The following TAOK1 variants were observed in gnomAD, a reference collection of about 807,000 sequenced individuals.
TAOK1 encodes serine/threonine-protein kinase TAO1.
TAOK1 carries 21 observed loss-of-function variants against 138.3 expected under a neutral mutation model. The observed-to-expected ratio is 0.15, with a 90% CI of 0.11 to 0.22. The LOEUF is 0.22. Ranked by LOEUF, TAOK1 falls within the 10% of genes least tolerant of loss-of-function variation. TAOK1 has a pLI of 1.00. For missense variants in TAOK1, 651 were observed against 1,227.7 expected, an observed-to-expected ratio of 0.53 and a Z score of 7.02; for synonymous variants, 361 against 398.4, an observed-to-expected ratio of 0.91 and a Z score of 1.12.
At chr17:29,501,221 T>A (rs372654853) in intron 12 of TAOK1, among the ~76,000 whole-genome samples, 22 of 120,610 alleles carry the variant, frequency 1.8e-4, no homozygotes, top group Middle Eastern at 4.0e-3. Context: ...CCCATCTGTT[T>A]AAAAAAAAAA....
chr17:29,485,321 G>A (rs565798610), intron 8 of TAOK1, among the ~76,000 whole-genome samples: 20 of 152,116 alleles, frequency 1.3e-4, no homozygotes, highest in Non-Finnish European at 2.5e-4. Context: ...CAAAAGGAGC[G>A]AAAAGAAAAT....
At chr17:29,468,504 A>G (rs2030736950) in intron 3 of TAOK1, among the ~76,000 whole-genome samples, 1 of 151,944 alleles carries the variant, frequency 6.6e-6, no homozygotes, top group South Asian at 2.1e-4. Flanking sequence ...TTTCTAAAAA[A>G]TTAAAGTAAA....
chr17:29,542,218 C>G (rs2032330103), intron 19 of TAOK1, among the ~76,000 whole-genome samples: 1 of 152,090 alleles, frequency 6.6e-6, no homozygotes, highest in Non-Finnish European at 1.5e-5. Flanking sequence ...ATAATAGACA[C>G]TAGAGACTAC....
At chr17:29,509,830 C>T (rs1396174975) in intron 14 of TAOK1, among the ~76,000 whole-genome samples, 1 of 151,224 alleles carries the variant, frequency 6.6e-6, no homozygotes, top group Non-Finnish European at 1.5e-5. Flanking sequence ...CAGGAGGAGG[C>T]TGCAATGAGC....
intron 17 of TAOK1, 35 bp downstream of exon 17, chr17:29,522,554 G>A (rs2031938333): frequency 6.2e-7 from 1 of 1,610,662 alleles, no homozygotes. Flanking sequence ...TAACAGGGAG[G>A]AGAATGAAAA....
rs1453754280 is a variant in TAOK1, at chr17:29,522,498, A to G, written c.2127A>G (p.Arg709=). The change falls in exon 17 of 20, where the codon CGA becomes CGG. Residue 709 remains arginine, a synonymous_variant. Coordinates refer to ENST00000261716, the MANE Select transcript of TAOK1 (RefSeq NM_020791.4). ...GACGAAAGCATGTCATGGAAGTTCG[A>G]CAACAGCCTAAGAGTTTGAAGGTAT... The part of the protein sequence containing the change: ...ELRRKHVMEV[R]QQPKSLKSKE... The G allele has an allele frequency of 3.1e-6, 5 of 1,614,100 alleles. No homozygotes were observed. The highest frequency in any genetic ancestry group is 4.2e-6 in the Non-Finnish European group (5 of 1,180,048).
At chr17:29,399,489 G>A (rs1904771693) in intron 1 of TAOK1, among the ~76,000 whole-genome samples, 1 of 151,658 alleles carries the variant, frequency 6.6e-6, no homozygotes. Flanking sequence ...CTAAATTTTT[G>A]TATTTTTATT....
intron 16 of TAOK1, 63 bp downstream of exon 16, chr17:29,517,719 C>A: frequency 6.8e-7 from 1 of 1,471,050 alleles, no homozygotes; most frequent in South Asian, 1.2e-5. Context: ...GAAAATATTC[C>A]AATTCCATTC....
intron 17 of TAOK1, among the ~76,000 whole-genome samples, chr17:29,528,614 C>T (rs1326107488): frequency 3.3e-5 from 5 of 151,566 alleles, no homozygotes; most frequent in South Asian, 2.1e-4. Context: ...CCAAGGTGGG[C>T]GGTTTGCCTG....
intron 4 of TAOK1, 44 bp from the exon 5 acceptor site, chr17:29,477,617 T>C: frequency 9.4e-7 from 1 of 1,069,378 alleles, no homozygotes; most frequent in Non-Finnish European, 1.2e-6. Flanking sequence ...ATATTAAATC[T>C]TTATAATAAT....
chr17:29,526,170 G>A (rs992813211), intron 17 of TAOK1, among the ~76,000 whole-genome samples: 1 of 151,958 alleles, frequency 6.6e-6, no homozygotes, highest in Non-Finnish European at 1.5e-5. Context: ...AGCTACTTGG[G>A]AGGCTGAGGC....
In TAOK1 at chr17:29,544,005, C is replaced by T. The variant is rs1467802003; in HGVS notation, c.*983C>T. The T allele has an allele frequency of 6.6e-6, 1 of 152,356 alleles. No homozygotes were observed. Among genetic ancestry groups the T allele is most frequent in the African/African-American group, 2.4e-5 (1 of 41,396 alleles). The allele number at this position is 152,356 out of a possible 1,614,324, so 9.4% of individuals were successfully genotyped here. ...TCATCCTAGCTAAGCTCTATAATGC[C>T]CAAGACCCCAAACAGTACTTTTACT... On this transcript the variant is annotated 3_prime_UTR_variant, in exon 20 of 20. Transcript: ENST00000261716.
At position 29,451,693 on chromosome 17, in the gene TAOK1, G is replaced by A. The variant is rs2030239362; in HGVS notation, c.132+13G>A. 6.2e-7 allele frequency: 1 copy of A among 1,605,826 alleles called. No homozygotes were observed. Among genetic ancestry groups the A allele is most frequent in the African/African-American group, 1.3e-5 (1 of 74,524 alleles). ...AGCAGTGTATTTTGTAAGTGTTAGT[G>A]GCTTGATGTCAGTGACTAAAATTTA... On this transcript the variant is annotated intron_variant, in intron 2 of 19. Transcript: ENST00000261716.
At chr17:29,458,127 C>G (rs1044363128) in intron 2 of TAOK1, among the ~76,000 whole-genome samples, 1 of 150,954 alleles carries the variant, frequency 6.6e-6, no homozygotes, top group Non-Finnish European at 1.5e-5. Flanking sequence ...AAAAAATTAA[C>G]CATAACACTG....
chr17:29,528,121 C>G (rs2032042673), intron 17 of TAOK1, among the ~76,000 whole-genome samples: 1 of 152,164 alleles, frequency 6.6e-6, no homozygotes, highest in South Asian at 2.1e-4. Flanking sequence ...GCAATCTTAG[C>G]TCACTGCAGC....
chr17:29,515,830 T>C (rs1475468529), intron 15 of TAOK1, among the ~76,000 whole-genome samples: 1 of 151,706 alleles, frequency 6.6e-6, no homozygotes, highest in Non-Finnish European at 1.5e-5. Flanking sequence ...AGCAAGACTC[T>C]GTCTCAAAAA....
At chr17:29,481,679 G>A (rs768049870) in intron 7 of TAOK1, among the ~76,000 whole-genome samples, 138 of 151,876 alleles carry the variant, frequency 9.1e-4, no homozygotes, top group Non-Finnish European at 1.6e-3. Flanking sequence ...CACACTATGG[G>A]CCAGGTGCGG....
intron 1 of TAOK1, among the ~76,000 whole-genome samples, chr17:29,433,627 A>T (rs535943783): frequency 2.6e-5 from 4 of 152,032 alleles, no homozygotes; most frequent in African/African-American, 7.2e-5. Flanking sequence ...GGAAATAGGG[A>T]TACTCCACAA....
intron 2 of TAOK1, among the ~76,000 whole-genome samples, chr17:29,457,299 C>T (rs1179804224): frequency 6.8e-6 from 1 of 147,684 alleles, no homozygotes; most frequent in African/African-American, 2.6e-5. Flanking sequence ...GATGGGGTTT[C>T]ACCATGTTGG....
Sources: gnomAD v4.1 joint callset for allele counts (sites outside exome capture counted in the v4.1 genomes callset) on GRCh38, gnomAD v4.1.1 for gene constraint, MANE v1.5 for transcripts, NCBI Gene and HGNC (gene_info 2026-07-23, HGNC 2026-07-21) for gene names.